The following ZNF600 variants were observed in gnomAD, a reference collection of about 807,000 sequenced individuals.
ZNF600 encodes the protein zinc finger protein KR-ZNF1.
In ZNF600, 4 loss-of-function variants were observed where a neutral mutation model predicts 7.3. The ratio of observed to expected loss-of-function variants is 0.55; its 90% CI spans 0.27 to 1.25. ZNF600 has a LOEUF of 1.25. ZNF600 is among the 50% of genes most tolerant of loss of function. The pLI is 0.12. For synonymous variants in ZNF600, 290 were observed against 308.9 expected, an observed-to-expected ratio of 0.94 and a Z score of 0.64; for missense variants, 911 against 922.1, an observed-to-expected ratio of 0.99 and a Z score of 0.16.
the ZNF600 span, among the ~76,000 whole-genome samples, chr19:52,822,876 A>G: frequency 4.9e-3 from 743 of 152,298 alleles, 7 homozygotes; most frequent in African/African-American, 0.017. Context: ...TACATAATTA[A>G]CTATAGAGTT....
chr19:52,767,589 T>A lies in ZNF600; in HGVS notation c.374A>T (p.His125Leu), dbSNP rs370087597. The change falls in exon 4 of 4, where the codon CAT becomes CTT. Residue 125 changes from histidine to leucine, a missense_variant. His to Leu is a moderately conservative substitution (Grantham distance 99). Coordinates refer to ENST00000648973, the Ensembl canonical transcript of ZNF600. ...TTTTATTTTTGTCATGGGTGCTTCATGGCCATTTCTTTCATCTTCTTGACA... is the reference window on the plus strand; with the variant it reads ...TTTTATTTTTGTCATGGGTGCTTCAAGGCCATTTCTTTCATCTTCTTGACA... 20 of 1,614,068 alleles carry A rather than the reference T, an allele frequency of 1.2e-5. No homozygotes were observed. In the East Asian group the frequency reaches 1.3e-4, roughly 11 times the overall value.
At chr19:52,789,823 T>C (rs1028095686), upstream of ZNF600, among the ~76,000 whole-genome samples, 20 of 152,270 alleles carry the variant, frequency 1.3e-4, no homozygotes, top group African/African-American at 4.8e-4. Flanking sequence ...TTGAGCAACA[T>C]GGCTGTTTAT....
At chr19:52,773,833 T>C (rs559173026) in intron 3 of ZNF600, among the ~76,000 whole-genome samples, 1 of 151,790 alleles carries the variant, frequency 6.6e-6, no homozygotes, top group East Asian at 2.0e-4. Flanking sequence ...ATTGCACCAC[T>C]GCACTCCAGC....
At chr19:52,766,362 G>A (rs2062577004) in exon 4 of ZNF600, 1 of 1,613,554 alleles carries the variant, frequency 6.2e-7, no homozygotes, top group Non-Finnish European at 8.5e-7. Context: ...TTTCTCTCCG[G>A]TGTGAATTAT....
At chr19:52,771,779 ATTT>A (rs536025724) in intron 3 of ZNF600, among the ~76,000 whole-genome samples, 1 of 151,804 alleles carries the variant, frequency 6.6e-6, no homozygotes, top group Non-Finnish European at 1.5e-5. Context: ...CGCCCGTCCA[ATTT>A]TTTTTAATTT....
chr19:52,799,120 G>A, the ZNF600 span: 1 of 413,328 alleles, frequency 2.4e-6, no homozygotes, highest in Admixed American at 3.7e-5. Context: ...TCTGCAGTAT[G>A]AAGACTATGA....
chr19:52,807,059 C>T, the ZNF600 span, among the ~76,000 whole-genome samples: 27 of 152,292 alleles, frequency 1.8e-4, no homozygotes, highest in Non-Finnish European at 3.1e-4. Context: ...GAAGGTGGAG[C>T]TTCCACTCTG....
the ZNF600 span, chr19:52,797,263 G>A: frequency 6.6e-6 from 1 of 152,236 alleles, no homozygotes. Context: ...AACGACCACA[G>A]TGGAAATAAA....
chr19:52,806,472 G>C, the ZNF600 span, among the ~76,000 whole-genome samples: 3 of 151,950 alleles, frequency 2.0e-5, no homozygotes. Flanking sequence ...GGGATTACAG[G>C]TGTCAGCCAC....
chr19:52,799,988 T>C, the ZNF600 span: 1 of 1,611,392 alleles, frequency 6.2e-7, no homozygotes, highest in Non-Finnish European at 8.5e-7. Flanking sequence ...TAAGCGATGA[T>C]GTCTGACGGA....
chr19:52,799,057 G>T, the ZNF600 span: 10 of 503,396 alleles, frequency 2.0e-5, no homozygotes, highest in African/African-American at 2.0e-4. Flanking sequence ...TGTCTTTCAA[G>T]CTGTGATTTG....
At chr19:52,785,615 G>A (rs2062757110) in intron 1 of ZNF600, among the ~76,000 whole-genome samples, 1 of 151,910 alleles carries the variant, frequency 6.6e-6, no homozygotes, top group African/African-American at 2.4e-5. Context: ...ATATATTACA[G>A]CCTCTTCTCT....
chr19:52,792,858 G>A, the ZNF600 span, among the ~76,000 whole-genome samples: 4,765 of 151,666 alleles, frequency 0.031, 238 homozygotes, highest in African/African-American at 0.11. Flanking sequence ...TCAGCCTCCC[G>A]AGTAGCTGGG....
chr19:52,800,366 T>C, the ZNF600 span: 2 of 1,614,098 alleles, frequency 1.2e-6, no homozygotes, highest in Non-Finnish European at 1.7e-6. Context: ...ATTTGTATGG[T>C]TTCTCTCCAG....
intron 1 of ZNF600, among the ~76,000 whole-genome samples, chr19:52,785,153 G>C (rs1224127211): frequency 6.7e-6 from 1 of 150,346 alleles, no homozygotes; most frequent in South Asian, 2.1e-4. Context: ...TCCTCATTTT[G>C]TACCCCTCTC....
the ZNF600 span, among the ~76,000 whole-genome samples, chr19:52,813,249 GAAAAAAA>G: frequency 0.012 from 739 of 63,004 alleles, 29 homozygotes; most frequent in South Asian, 0.07. Context: ...CTTGAATGGT[GAAAAAAA>G]AAAAAAAAAA....
At chr19:52,776,869 C>T (rs1214659846) in intron 2 of ZNF600, among the ~76,000 whole-genome samples, 1 of 152,108 alleles carries the variant, frequency 6.6e-6, no homozygotes, top group African/African-American at 2.4e-5. Flanking sequence ...GGTGGCCCAC[C>T]TCTAATCCAA....
upstream of ZNF600, among the ~76,000 whole-genome samples, chr19:52,787,192 C>T (rs1600406812): frequency 1.3e-5 from 2 of 152,142 alleles, no homozygotes; most frequent in South Asian, 4.1e-4. Flanking sequence ...GGATGCGGGA[C>T]GGAGAGCTCA....
chr19:52,787,117 A>G (rs559582240), upstream of ZNF600, among the ~76,000 whole-genome samples: 18 of 152,360 alleles, frequency 1.2e-4, no homozygotes, highest in East Asian at 3.5e-3. Flanking sequence ...TCTATTCTCC[A>G]TTCACTCAGG....
Sources: allele counts gnomAD v4.1 joint callset (sites outside exome capture counted in the v4.1 genomes callset), GRCh38; gene constraint gnomAD v4.1.1; transcripts MANE v1.5; gene names NCBI Gene and HGNC (gene_info 2026-07-23, HGNC 2026-07-21).